EYS: variants seen among roughly 807,000 people sequenced by gnomAD.
The protein encoded by EYS is protein eyes shut homolog.
EYS carries 250 observed loss-of-function variants against 282.1 expected under a neutral mutation model. The observed-to-expected ratio is 0.89, with a 90% CI of 0.80 to 0.98. The LOEUF is 0.98. EYS is among the 50% of genes least tolerant of loss of function. EYS has a pLI of 0.00. For synonymous variants in EYS, 1,355 were observed against 1,282.9 expected, an observed-to-expected ratio of 1.06 and a Z score of -1.20; for missense variants, 4,016 against 3,709.0, an observed-to-expected ratio of 1.08 and a Z score of -2.15.
At chr6:64,309,953 G>C (rs1191922346) in intron 29 of EYS, among the ~76,000 whole-genome samples, 1 of 99,890 alleles carries the variant, frequency 1.0e-5, no homozygotes, top group Non-Finnish European at 2.0e-5. Context: ...GACAGAGCAA[G>C]ACTCCATGAA....
At chr6:65,698,168 A>G (rs1769525992) in intron 1 of EYS, among the ~76,000 whole-genome samples, 1 of 152,144 alleles carries the variant, frequency 6.6e-6, no homozygotes, top group South Asian at 2.1e-4. Flanking sequence ...ATTATACATA[A>G]AGAATAGTTG....
At chr6:64,970,771 T>C (rs939977673) in intron 14 of EYS, among the ~76,000 whole-genome samples, 1 of 152,128 alleles carries the variant, frequency 6.6e-6, no homozygotes, top group African/African-American at 2.4e-5. Flanking sequence ...AGAAAAGTCA[T>C]GACATTACAA....
Position 64,274,563 on chromosome 6 carries a change from A to C in EYS, c.6191+32407T>G, listed in dbSNP as rs1264496646. On this transcript the variant is annotated intron_variant, in intron 30 of 42. Transcript: ENST00000503581. ...ATTTGCCAAGTATGATCACATTAAG[A>C]ATTTTGTACAAATTTTTCTTTCATC... Among the ~76,000 whole-genome samples the C allele has an allele frequency of 3.5e-5, 5 of 142,368 alleles. No individual in the cohort carries two copies. In the Admixed American group the frequency reaches 3.7e-4, roughly 10 times the overall value. 93.4% of individuals were successfully genotyped at this position (142,368 alleles called of 152,430 possible). A position where few individuals can be genotyped will look rare whatever the true frequency, so the allele number is the denominator to read the frequency against.
rs186928712 is a variant in EYS, at chr6:65,165,243, G to A, written c.2024-107516C>T. Among the ~76,000 whole-genome samples, 124 of 149,414 alleles carry A rather than the reference G, an allele frequency of 8.3e-4. 2 individuals carry two copies. Among genetic ancestry groups the A allele is most frequent in the African/African-American group, 2.8e-3 (114 of 40,900 alleles). ...TTATCTATATTTTAAATCTCACAGG[G>A]GTTATTTTTTATCCCTTAGCTTTGC... On this transcript the variant is annotated intron_variant, in intron 12 of 42. Transcript: ENST00000503581.
chr6:65,129,579 C>A (rs563031045), intron 12 of EYS, among the ~76,000 whole-genome samples: 6 of 152,108 alleles, frequency 3.9e-5, no homozygotes, highest in African/African-American at 1.4e-4. Flanking sequence ...AATCACTAAT[C>A]ATCAGAGAAA....
chr6:64,498,678 G>A (rs1776957251), intron 26 of EYS, among the ~76,000 whole-genome samples: 1 of 151,306 alleles, frequency 6.6e-6, no homozygotes, highest in South Asian at 2.1e-4. Context: ...CTGTGTCCAT[G>A]TGTTCTCATT....
intron 12 of EYS, among the ~76,000 whole-genome samples, chr6:65,091,060 T>C (rs1257991029): frequency 6.6e-6 from 1 of 151,998 alleles, no homozygotes; most frequent in Admixed American, 6.6e-5. Flanking sequence ...TTTTAGAGTA[T>C]AAGAAATAAA....
chr6:65,215,901 T>C (rs1766299456), intron 12 of EYS, among the ~76,000 whole-genome samples: 1 of 152,210 alleles, frequency 6.6e-6, no homozygotes, highest in Non-Finnish European at 1.5e-5. Context: ...AGTTAAGCTA[T>C]ACATACTGTT....
intron 22 of EYS, among the ~76,000 whole-genome samples, chr6:64,690,087 G>T (rs932503286): frequency 2.0e-5 from 3 of 151,714 alleles, no homozygotes; most frequent in African/African-American, 7.3e-5. Context: ...ATCTGTCAAA[G>T]GGCTAATATC....
chr6:63,828,400 A>G (rs953861771), intron 36 of EYS, among the ~76,000 whole-genome samples: 2 of 140,646 alleles, frequency 1.4e-5, no homozygotes, highest in Non-Finnish European at 3.1e-5. Context: ...ACTGAAATAC[A>G]AAAGATCATT....
intron 12 of EYS, among the ~76,000 whole-genome samples, chr6:65,184,367 A>G (rs924069826): frequency 6.6e-6 from 1 of 151,854 alleles, no homozygotes; most frequent in African/African-American, 2.4e-5. Flanking sequence ...ACTTACAACC[A>G]TGATAATGAT....
At chr6:64,212,742 C>A (rs929541807) in intron 31 of EYS, among the ~76,000 whole-genome samples, 1 of 152,042 alleles carries the variant, frequency 6.6e-6, no homozygotes, top group African/African-American at 2.4e-5. Context: ...CCATTCAACC[C>A]AGCAATCCAT....
chr6:65,032,036 C>T (rs1283425066), intron 13 of EYS, among the ~76,000 whole-genome samples: 3 of 151,946 alleles, frequency 2.0e-5, no homozygotes, highest in Non-Finnish European at 4.4e-5. Context: ...ACAAAAGGGA[C>T]ATAACCACTG....
At chr6:64,175,869 C>A (rs2150309337) in intron 31 of EYS, among the ~76,000 whole-genome samples, 1 of 152,192 alleles carries the variant, frequency 6.6e-6, no homozygotes. Context: ...ACAAAACAGA[C>A]AGATATTCTT....
At chr6:64,507,899 C>A (rs1220700707) in intron 26 of EYS, among the ~76,000 whole-genome samples, 6 of 152,170 alleles carry the variant, frequency 3.9e-5, no homozygotes, top group Non-Finnish European at 8.8e-5. Flanking sequence ...AATGGACTCA[C>A]AGGCAAGTAC....
chr6:65,354,354 A>C (rs1857421), intron 8 of EYS, among the ~76,000 whole-genome samples: 1 of 151,810 alleles, frequency 6.6e-6, no homozygotes, highest in Non-Finnish European at 1.5e-5. Context: ...GCAGAGAAAA[A>C]CACAGCTGAG....
intron 22 of EYS, among the ~76,000 whole-genome samples, chr6:64,741,150 TG>T (rs1772358218): frequency 6.6e-6 from 1 of 152,160 alleles, no homozygotes; most frequent in Non-Finnish European, 1.5e-5. Context: ...TAATAATACT[TG>T]AAAGTCAAAA....
Position 64,590,793 on chromosome 6 carries a change from G to T in EYS, c.5074C>A (p.Leu1692Met). Residue 1692 changes from leucine (L) to methionine (M), a missense_variant, in exon 26 of 43, where the codon CTG becomes ATG. Leu to Met is a conservative substitution (Grantham distance 15). Transcript: ENST00000503581. ...TTTAAAATGTTTTCTGATACTGACA[G>T]TTCATCAGTAGTCATTTTTGAAGTC... is the stretch of plus-strand genomic sequence containing the variant. Reference protein sequence around the residue: ...DLTSKMTTDELSVSENILKLL... With the variant: ...DLTSKMTTDEMSVSENILKLL... 6.5e-7 allele frequency: 1 copy of T among 1,547,646 alleles called. No homozygotes were observed. The highest frequency in any genetic ancestry group is 8.7e-7 in the Non-Finnish European group (1 of 1,143,744).
intron 26 of EYS, among the ~76,000 whole-genome samples, chr6:64,492,648 T>C (rs1305356044): frequency 6.6e-6 from 1 of 151,198 alleles, no homozygotes; most frequent in East Asian, 1.9e-4. Context: ...ATGCTGGGTG[T>C]GTGGAGAAGA....
Sources: allele counts gnomAD v4.1 joint callset (sites outside exome capture counted in the v4.1 genomes callset), GRCh38; gene constraint gnomAD v4.1.1; transcripts MANE v1.5; gene names NCBI Gene and HGNC (gene_info 2026-07-23, HGNC 2026-07-21).